Variants in VPS35L observed in about 807,000 individuals in gnomAD.
VPS35L encodes VPS35 endosomal protein sorting factor like.
A neutral mutation model predicts 133.0 loss-of-function variants in VPS35L; 83 were observed. That is an observed-to-expected ratio of 0.62 (90% confidence interval 0.52 to 0.75). The LOEUF (loss-of-function observed/expected upper bound fraction) is 0.75. Among genes scored for constraint, VPS35L ranks in the 30% least tolerant of loss-of-function variants. The pLI, the probability that VPS35L is intolerant of heterozygous loss-of-function variation, is 0.00. For missense variants in VPS35L, 1,083 were observed against 1,206.8 expected (o/e 0.90, Z 1.52); for synonymous variants, 423 against 449.9 (o/e 0.94, Z 0.76).
At chr16:19,650,350 C>T in intron 24 of VPS35L, 32 bp from the exon 25 acceptor site, 1 of 1,551,036 alleles carries the variant, frequency 6.4e-7, no homozygotes, top group Admixed American at 1.7e-5. Context: ...GCCATCGCTT[C>T]ATTACCATTT....
intron 14 of VPS35L, among the ~76,000 whole-genome samples, chr16:19,623,943 A>G (rs1326090650): frequency 6.7e-6 from 1 of 150,134 alleles, no homozygotes; most frequent in African/African-American, 2.4e-5. Flanking sequence ...AGCTGGGACT[A>G]TAAGCACACA....
chr16:19,648,103 AGCCACGATGCCCAGCTATTTTAAATTTT>A (rs1461513133), intron 24 of VPS35L, among the ~76,000 whole-genome samples: 2 of 152,016 alleles, frequency 1.3e-5, no homozygotes, highest in African/African-American at 4.8e-5. Flanking sequence ...TACCAGCTCA[AGCCACGATGCCCAGCTATTTTAAATTTT>A]GTTTTGTGTT....
At chr16:19,654,594 C>G (rs917359728) in intron 26 of VPS35L, among the ~76,000 whole-genome samples, 14 of 147,418 alleles carry the variant, frequency 9.5e-5, no homozygotes, top group Admixed American at 1.4e-4. Flanking sequence ...AGAAACAAAA[C>G]AAAAATTAAC....
intron 2 of VPS35L, among the ~76,000 whole-genome samples, chr16:19,568,846 A>G (rs1282011122): frequency 6.6e-6 from 1 of 152,048 alleles, no homozygotes; most frequent in Non-Finnish European, 1.5e-5. Flanking sequence ...GGACTTCACC[A>G]TGTTGCCCAG....
chr16:19,558,216 A>G (rs1171171196), intron 1 of VPS35L, among the ~76,000 whole-genome samples: 1 of 152,268 alleles, frequency 6.6e-6, no homozygotes, highest in Non-Finnish European at 1.5e-5. Flanking sequence ...CATTAAATTT[A>G]CATTTATCAA....
chr16:19,675,700 C>T (rs781359399), intron 27 of VPS35L, among the ~76,000 whole-genome samples: 1 of 151,976 alleles, frequency 6.6e-6, no homozygotes, highest in African/African-American at 2.4e-5. Context: ...CAGGCGTGTG[C>T]CACCATGCCC....
rs750686809 is a variant in VPS35L, at chr16:19,637,639, T to A, written c.1681T>A (p.Ser561Thr). 1.5e-5 allele frequency: 24 copies of A among 1,580,718 alleles called. No homozygotes were observed. The Admixed American group carries it at 2.7e-4, about 18-fold the overall frequency. The change falls in exon 20 of 31, where the codon TCA (serine) becomes ACA (threonine). Residue 561 changes from serine to threonine, a missense_variant. Coordinates refer to ENST00000417362, the MANE Select transcript of VPS35L (RefSeq NM_020314.7). ...KKVIAHFHDF[S>T]VLFSVEKFLP... ...AGTTATTGCCCACTTCCATGACTTC[T>A]CAGTTCTTTTCTCAGTGGTAAGTAG...
At position 19,700,733 on chromosome 16, in the gene VPS35L, C is replaced by T. The variant is rs574593898; in HGVS notation, c.*257C>T. On this transcript the variant is annotated 3_prime_UTR_variant, in exon 31 of 31. Coordinates refer to ENST00000417362, the MANE Select transcript of VPS35L (RefSeq NM_020314.7). ...TTGCACAAGTGGCCTTCGGTCTACT[C>T]AGCCCGATCTGATGGGCCTTTTTAG... 2.3e-5 allele frequency: 10 copies of T among 429,676 alleles called. No individual in the cohort carries two copies. In the East Asian group the frequency reaches 3.1e-4, roughly 13 times the overall value. 26.6% of individuals were successfully genotyped at this position (429,676 alleles called of 1,614,324 possible). A position where few individuals can be genotyped will look rare whatever the true frequency, so the allele number is the denominator to read the frequency against.
rs368862200 is a variant in VPS35L, at chr16:19,682,238, A to G, written c.2375A>G (p.His792Arg). Residue 792 changes from histidine to arginine, a missense_variant, in exon 28 of 31, where the codon CAT becomes CGT. His to Arg is a conservative substitution (Grantham distance 29). Transcript: ENST00000417362. ...GTTCTCTGCTAGGATCATCCTGAAC[A>G]TGGGGTCCTGTTTCTTGTTCGAGAG... The part of the protein sequence containing the change: ...TLLIVPDHPE[H>R]GVLFLVRELL... The G allele has an allele frequency of 3.2e-5, 52 of 1,613,920 alleles. 1 individual carries two copies. The highest frequency in any genetic ancestry group is 6.7e-5 in the African/African-American group (5 of 74,878).
At chr16:19,616,392 G>A (rs2036724613) in intron 13 of VPS35L, among the ~76,000 whole-genome samples, 1 of 152,170 alleles carries the variant, frequency 6.6e-6, no homozygotes. Flanking sequence ...ATATGCATGT[G>A]TTAACAGGAA....
At chr16:19,566,509 G>A (rs986976656) in intron 2 of VPS35L, among the ~76,000 whole-genome samples, 29 of 152,100 alleles carry the variant, frequency 1.9e-4, no homozygotes, top group African/African-American at 6.7e-4. Context: ...AAAATAAAAG[G>A]AAAATTCTGA....
At chr16:19,576,016 ATT>A (rs1971523447) in intron 5 of VPS35L, among the ~76,000 whole-genome samples, 2 of 142,862 alleles carry the variant, frequency 1.4e-5, no homozygotes, top group African/African-American at 2.6e-5. Context: ...AAAAAAAAAA[ATT>A]AGCCAGGCAT....
At chr16:19,599,348 G>A (rs564727035) in intron 8 of VPS35L, among the ~76,000 whole-genome samples, 1 of 152,314 alleles carries the variant, frequency 6.6e-6, no homozygotes, top group African/African-American at 2.4e-5. Context: ...CCCAGTTGGA[G>A]AAGCACTGGC....
At chr16:19,555,878 G>T in intron 1 of VPS35L, 132 bp downstream of exon 1, 1 of 1,313,818 alleles carries the variant, frequency 7.6e-7, no homozygotes, top group Non-Finnish European at 1.0e-6. Context: ...AAGTTGTCTT[G>T]ACCGTAGAAT....
chr16:19,587,948 C>T (rs1332721815), intron 7 of VPS35L, among the ~76,000 whole-genome samples: 1 of 151,444 alleles, frequency 6.6e-6, no homozygotes, highest in South Asian at 2.1e-4. Context: ...TATAGGTGTG[C>T]ACCACCACAC....
At position 19,700,557 on chromosome 16, in the gene VPS35L, A is replaced by C. The variant is rs1976095292; in HGVS notation, c.*81A>C. On this transcript the variant is annotated 3_prime_UTR_variant, in exon 31 of 31. Transcript: ENST00000417362. ...CTCTGCTGCCCTGAACTCTTACGGC[A>C]ATTTAGGTTTCTCATTTTTCTTTTC... 8.4e-7 allele frequency: 1 copy of C among 1,183,544 alleles called. No homozygotes were observed. The highest frequency in any genetic ancestry group is 2.1e-5 in the Admixed American group (1 of 47,078). The allele number at this position is 1,183,544 out of a possible 1,614,324, so 73.3% of individuals were successfully genotyped here.
In VPS35L at chr16:19,634,601, T is replaced by G. The variant is rs193054687; in HGVS notation, c.1635+1429T>G. ...TCCATCCTTATGCTGAATAGATAAA[T>G]AGATGAGCGGATTGAGAAATGTGAA... On this transcript the variant is annotated intron_variant, in intron 19 of 30. Transcript: ENST00000417362. 9.2e-5 allele frequency among the ~76,000 whole-genome samples: 14 copies of G among 152,230 alleles called. No homozygotes were observed. The East Asian group carries it at 2.7e-3, about 29-fold the overall frequency.
At chr16:19,657,809 C>G (rs141588916) in intron 26 of VPS35L, among the ~76,000 whole-genome samples, 1 of 152,142 alleles carries the variant, frequency 6.6e-6, no homozygotes, top group South Asian at 2.1e-4. Context: ...CACACATTTA[C>G]CAGGTCTTGG....
At chr16:19,622,745 C>T (rs1973125231) in intron 14 of VPS35L, among the ~76,000 whole-genome samples, 1 of 152,120 alleles carries the variant, frequency 6.6e-6, no homozygotes, top group Admixed American at 6.6e-5. Flanking sequence ...TTTCCAAAGG[C>T]CACTTTGCTA....
Sources: gnomAD v4.1 joint callset for allele counts (sites outside exome capture counted in the v4.1 genomes callset) on GRCh38, gnomAD v4.1.1 for gene constraint, MANE v1.5 for transcripts, NCBI Gene and HGNC (gene_info 2026-07-23, HGNC 2026-07-21) for gene names.